Variants in NAV2 observed in about 807,000 individuals in gnomAD.
NAV2 encodes helicase, APC down-regulated 1.
Under a neutral mutation model 223.2 loss-of-function variants are expected in NAV2, and 54 were observed. The ratio of observed to expected loss-of-function variants is 0.24; its 90% confidence interval spans 0.19 to 0.30. The LOEUF is 0.30. Ranked by LOEUF, NAV2 falls within the 10% of genes least tolerant of loss-of-function variation. The pLI is 1.00. For missense variants in NAV2, 2,806 were observed against 3,147.5 expected, an observed-to-expected ratio of 0.89 and a Z score of 2.60; for synonymous variants, 1,279 against 1,239.3, an observed-to-expected ratio of 1.03 and a Z score of -0.67.
intron 1 of NAV2, chr11:19,401,814 C>A (rs1849698720): frequency 6.6e-6 from 1 of 152,150 alleles, no homozygotes; most frequent in Admixed American, 6.5e-5. Flanking sequence ...CCTTTGGGGC[C>A]ACAGACCACT....
chr11:19,638,937 G>T (rs955644522), intron 1 of NAV2, among the ~76,000 whole-genome samples: 1 of 152,216 alleles, frequency 6.6e-6, no homozygotes, highest in Non-Finnish European at 1.5e-5. Flanking sequence ...AGGTTGCGGT[G>T]AGCTGAGATC....
intron 1 of NAV2, among the ~76,000 whole-genome samples, chr11:19,583,487 C>T (rs2045788524): frequency 6.6e-6 from 1 of 152,162 alleles, no homozygotes; most frequent in Non-Finnish European, 1.5e-5. Flanking sequence ...CAGTTTTTGC[C>T]CATTCAGTGT....
rs182732692 is a variant in NAV2, at chr11:20,031,447, A to G, written c.2769-4512A>G. Among the ~76,000 whole-genome samples, 4 of 152,268 alleles carry G rather than the reference A, an allele frequency of 2.6e-5. No individual in the cohort carries two copies. The East Asian group carries it at 5.8e-4, about 22-fold the overall frequency. On this transcript the variant is annotated intron_variant, in intron 11 of 37. Coordinates refer to ENST00000349880, the MANE Select transcript of NAV2 (RefSeq NM_145117.5). ...TTTTTCCCATCTGACTCTCAACCACATATCTGGAGTTATTTTACAAACAAG... is the reference window on the plus strand; with the variant it reads ...TTTTTCCCATCTGACTCTCAACCACGTATCTGGAGTTATTTTACAAACAAG...
At chr11:19,357,573 T>C (rs1449466691) in intron 1 of NAV2, among the ~76,000 whole-genome samples, 2 of 152,194 alleles carry the variant, frequency 1.3e-5, no homozygotes, top group African/African-American at 2.4e-5. Context: ...CAAAAATCCC[T>C]GTAAGAGGCC....
intron 1 of NAV2, among the ~76,000 whole-genome samples, chr11:19,446,652 GTGCCTGCC>G (rs541675739): frequency 1.3e-5 from 2 of 152,062 alleles, no homozygotes; most frequent in Non-Finnish European, 2.9e-5. Context: ...CTCAGACGGT[GTGCCTGCC>G]TGCCTGCCTG....
intron 1 of NAV2, among the ~76,000 whole-genome samples, chr11:19,400,635 T>C (rs1240650282): frequency 1.3e-5 from 2 of 152,224 alleles, no homozygotes; most frequent in Middle Eastern, 3.2e-3. Context: ...AACTCGCATG[T>C]CATTAGAAGG....
Position 19,998,857 on chromosome 11 carries a change from A to G in NAV2, c.2768+14610A>G, listed in dbSNP as rs2052236295. ...TCTTTTTGGAAACTGTTTATTTGAC[A>G]TCTCTTACTTTCATGTGTGTTAATT... On this transcript the variant is annotated intron_variant, in intron 11 of 37. Transcript: ENST00000349880. This position sits in a 1 kb window ranked among gnomAD's most constrained non-coding sequence, Gnocchi z 5.0. Among the ~76,000 whole-genome samples, 1 of 152,162 alleles carries G rather than the reference A, an allele frequency of 6.6e-6. No homozygotes were observed. The highest frequency in any genetic ancestry group is 2.1e-4 in the South Asian group (1 of 4,828).
intron 1 of NAV2, among the ~76,000 whole-genome samples, chr11:19,486,484 G>T (rs555341004): frequency 6.6e-6 from 1 of 152,260 alleles, no homozygotes; most frequent in South Asian, 2.1e-4. Flanking sequence ...CACGGGGGCG[G>T]TTACTCTCAT....
At chr11:19,659,369 G>A (rs865917713) in intron 1 of NAV2, among the ~76,000 whole-genome samples, 1 of 152,162 alleles carries the variant, frequency 6.6e-6, no homozygotes, top group Non-Finnish European at 1.5e-5. Context: ...ATGGTGTAGG[G>A]CCTTGTGTGA....
intron 1 of NAV2, among the ~76,000 whole-genome samples, chr11:19,448,662 T>G (rs1260564505): frequency 6.6e-6 from 1 of 152,240 alleles, no homozygotes; most frequent in Non-Finnish European, 1.5e-5. Flanking sequence ...ACCTCTCTGA[T>G]TCTGAGTTTC....
At chr11:19,883,793 G>T (rs565199394) in intron 5 of NAV2, among the ~76,000 whole-genome samples, 1 of 152,226 alleles carries the variant, frequency 6.6e-6, no homozygotes, top group African/African-American at 2.4e-5. Context: ...AGCATTAAAT[G>T]GTCATTTCTA....
intron 1 of NAV2, among the ~76,000 whole-genome samples, chr11:19,458,869 A>G (rs1178576044): frequency 6.6e-6 from 1 of 152,166 alleles, no homozygotes; most frequent in East Asian, 1.9e-4. Flanking sequence ...GCTGAGATGG[A>G]TGAGTGTGGA....
At chr11:19,845,761 G>A (rs2060770802) in intron 3 of NAV2, among the ~76,000 whole-genome samples, 2 of 152,186 alleles carry the variant, frequency 1.3e-5, no homozygotes, top group African/African-American at 2.4e-5. Flanking sequence ...CCAGAGGATA[G>A]GGAAGTAAAA....
intron 1 of NAV2, among the ~76,000 whole-genome samples, chr11:19,779,692 C>G (rs2056588110): frequency 6.6e-6 from 1 of 152,208 alleles, no homozygotes; most frequent in African/African-American, 2.4e-5. Flanking sequence ...GGAACATGAT[C>G]CAGCATAGAG....
At position 19,789,475 on chromosome 11, in the gene NAV2, A is replaced by G. The variant is rs186859376; in HGVS notation, c.268-43009A>G. Among the ~76,000 whole-genome samples, 241 of 152,328 alleles carry G rather than the reference A, an allele frequency of 1.6e-3. 1 individual carries two copies. The highest frequency in any genetic ancestry group is 5.5e-3 in the African/African-American group (230 of 41,570). ...CGGCCGTTATTGTTATTGTTAGCTTATAGAAGTAACCGGAATGCATACATG... is the reference window on the plus strand; with the variant it reads ...CGGCCGTTATTGTTATTGTTAGCTTGTAGAAGTAACCGGAATGCATACATG... On this transcript the variant is annotated intron_variant, in intron 1 of 37. Transcript: ENST00000349880.
Position 19,832,538 on chromosome 11 carries a change from A to G in NAV2, c.322A>G (p.Ile108Val). 6.2e-7 allele frequency: 1 copy of G among 1,614,146 alleles called. No individual in the cohort carries two copies. Among genetic ancestry groups the G allele is most frequent in the Non-Finnish European group, 8.5e-7 (1 of 1,180,016 alleles). The stretch of plus-strand genomic sequence containing the variant: ...AGCCAAATCCGGCCACAAGCGTCTC[A>G]TCAGGGATCTCCAGCAAGATGTGAC... ...YLAKSGHKRL[I>V]RDLQQDVTDG... The change falls in exon 2 of 38, where the codon ATC (isoleucine) becomes GTC (valine). Residue 108 changes from isoleucine (I) to valine (V), a missense_variant. Coordinates refer to ENST00000349880, the MANE Select transcript of NAV2 (RefSeq NM_145117.5).
At chr11:19,952,094 C>T (rs1197382480) in intron 10 of NAV2, among the ~76,000 whole-genome samples, 6 of 152,210 alleles carry the variant, frequency 3.9e-5, no homozygotes, top group Non-Finnish European at 8.8e-5. Context: ...TGTGTTTACA[C>T]GCAGAGTTCA....
chr11:20,052,238 C>T (rs1046789883), intron 17 of NAV2, among the ~76,000 whole-genome samples: 17 of 152,372 alleles, frequency 1.1e-4, no homozygotes, highest in African/African-American at 3.1e-4. Flanking sequence ...TAATAACCTG[C>T]AGCTCTTAAG....
At chr11:19,972,431 A>C (rs929775136) in intron 10 of NAV2, among the ~76,000 whole-genome samples, 1 of 152,184 alleles carries the variant, frequency 6.6e-6, no homozygotes, top group Non-Finnish European at 1.5e-5. Flanking sequence ...TTGAAGGCCA[A>C]AGGTCTATAT....
Sources: allele counts gnomAD v4.1 joint callset (sites outside exome capture counted in the v4.1 genomes callset), GRCh38; gene constraint gnomAD v4.1.1; non-coding constraint Gnocchi (gnomAD v3.1); transcripts MANE v1.5; gene names NCBI Gene and HGNC (gene_info 2026-07-23, HGNC 2026-07-21).